Variants in RADX observed in about 807,000 individuals in gnomAD.
RADX encodes the protein RPA1 related single stranded DNA binding protein, X-linked, also known as RPA-related protein RADX.
A neutral mutation model predicts 61.6 loss-of-function variants in RADX; 36 were observed. The observed-to-expected ratio is 0.58, with a 90% CI of 0.45 to 0.77. RADX has a LOEUF of 0.77. Ranked by LOEUF, RADX falls within the 30% of genes least tolerant of loss-of-function variation. The probability of loss-of-function intolerance (pLI) is 0.00; values close to 1 mark genes in which losing one functional copy is unlikely to be tolerated. For synonymous variants in RADX, 272 were observed against 237.9 expected (o/e 1.14, Z -1.32); for missense variants, 497 against 651.1 (o/e 0.76, Z 2.58).
At chrX:106,675,086 C>T (rs1319175993) in intron 13 of RADX, among the ~76,000 whole-genome samples, 2 of 110,666 alleles carry the variant, frequency 1.8e-5, no homozygotes, top group African/African-American at 6.6e-5. Context: ...AGCCATTTAT[C>T]CCAAGTCATT....
intron 6 of RADX, among the ~76,000 whole-genome samples, chrX:106,634,180 A>G (rs1165582412): frequency 9.0e-6 from 1 of 111,341 alleles, no homozygotes; most frequent in Non-Finnish European, 1.9e-5. Flanking sequence ...TCTGTCGCCC[A>G]GGCTAGAGTG....
intron 6 of RADX, among the ~76,000 whole-genome samples, chrX:106,634,286 C>G (rs1242926350): frequency 9.0e-6 from 1 of 111,026 alleles, no homozygotes; most frequent in Non-Finnish European, 1.9e-5. Context: ...TAGGAGCACA[C>G]CACCATGCCT....
At chrX:106,676,908 G>A (rs1928525848) in intron 13 of RADX, among the ~76,000 whole-genome samples, 1 of 111,149 alleles carries the variant, frequency 9.0e-6, no homozygotes, top group South Asian at 3.8e-4. Context: ...TTGATTCCCC[G>A]TTGTACAAAG....
intron 12 of RADX, among the ~76,000 whole-genome samples, chrX:106,668,658 A>T: frequency 9.0e-6 from 1 of 111,616 alleles, no homozygotes; most frequent in Non-Finnish European, 1.9e-5. Flanking sequence ...TTCTAGCACA[A>T]CCTTTTATGG....
intron 11 of RADX, among the ~76,000 whole-genome samples, chrX:106,650,805 A>G (rs1398919272): frequency 1.8e-5 from 2 of 111,876 alleles, no homozygotes; most frequent in Admixed American, 1.9e-4. Context: ...TGAAAAAGGT[A>G]TCCACACACA....
At chrX:106,663,936 T>A (rs1461801129) in intron 12 of RADX, among the ~76,000 whole-genome samples, 1 of 111,835 alleles carries the variant, frequency 8.9e-6, no homozygotes, top group African/African-American at 3.2e-5. Context: ...ATGAGTCAGC[T>A]AAGAGCAGGA....
intron 12 of RADX, among the ~76,000 whole-genome samples, chrX:106,667,461 C>T (rs1928257536): frequency 9.1e-6 from 1 of 110,336 alleles, no homozygotes; most frequent in Admixed American, 9.7e-5. Context: ...GGACCACAGG[C>T]GCACACCACC....
chrX:106,639,517 T>G lies in RADX; in HGVS notation c.1574-10T>G. 8.6e-7 allele frequency: 1 copy of G among 1,161,701 alleles called. No individual in the cohort carries two copies. The highest frequency in any genetic ancestry group is 1.1e-6 in the Non-Finnish European group (1 of 870,772). On this transcript the variant is annotated splice_polypyrimidine_tract_variant and intron_variant, in intron 8 of 13. Coordinates refer to ENST00000372548, the MANE Select transcript of RADX (RefSeq NM_018015.6). The stretch of plus-strand genomic sequence containing the variant: ...TTTAAAACTTACAATTTTCTTGGAC[T>G]TTTTTGCAGTTGAGTCGCTCTTGAC...
intron 10 of RADX, among the ~76,000 whole-genome samples, chrX:106,643,103 G>C (rs1927563008): frequency 9.0e-6 from 1 of 111,058 alleles, no homozygotes; most frequent in Non-Finnish European, 1.9e-5. Context: ...ACCTTTTCAT[G>C]TGCCTGTTTG....
chrX:106,666,733 A>C (rs1217677622), intron 12 of RADX, among the ~76,000 whole-genome samples: 1 of 112,397 alleles, frequency 8.9e-6, no homozygotes, highest in African/African-American at 3.2e-5. Context: ...AAGGAAAAGA[A>C]CAAACCATAT....
At chrX:106,638,492 G>C (rs1254417342) in intron 8 of RADX, 1 of 110,860 alleles carries the variant, frequency 9.0e-6, no homozygotes, top group East Asian at 2.9e-4. Flanking sequence ...TCGATCTCCT[G>C]ACCTCGTGAT....
intron 3 of RADX, among the ~76,000 whole-genome samples, chrX:106,631,807 A>AG (rs1927235332): frequency 2.8e-5 from 3 of 108,676 alleles, no homozygotes; most frequent in African/African-American, 1.0e-4. Context: ...AGAAAGAAGA[A>AG]AGAAAGAGAA....
At chrX:106,663,683 C>A (rs1213667340) in intron 12 of RADX, among the ~76,000 whole-genome samples, 1 of 111,518 alleles carries the variant, frequency 9.0e-6, no homozygotes, top group Non-Finnish European at 1.9e-5. Context: ...CCCATTTACC[C>A]TGATGTGATT....
chrX:106,669,621 A>G (rs1928318216), intron 13 of RADX, among the ~76,000 whole-genome samples: 1 of 111,869 alleles, frequency 8.9e-6, no homozygotes, highest in Admixed American at 9.5e-5. Flanking sequence ...GGAACAGTAC[A>G]AATTCTACTC....
intron 10 of RADX, among the ~76,000 whole-genome samples, chrX:106,642,793 G>T (rs1927552395): frequency 9.0e-6 from 1 of 111,421 alleles, no homozygotes; most frequent in South Asian, 3.8e-4. Flanking sequence ...GGATCACATT[G>T]TATTTCAATT....
chrX:106,663,797 T>C (rs1386847110), intron 12 of RADX, among the ~76,000 whole-genome samples: 1 of 111,690 alleles, frequency 9.0e-6, no homozygotes, highest in Non-Finnish European at 1.9e-5. Context: ...ATGGAAATGA[T>C]GAGTTCATCT....
At position 106,612,415 on chromosome X, in the gene RADX, C is replaced by A. The variant is rs1350296819; in HGVS notation, c.335C>A (p.Pro112His). 2.5e-6 allele frequency: 3 copies of A among 1,211,172 alleles called. No homozygotes were observed. Among genetic ancestry groups the A allele is most frequent in the Non-Finnish European group, 3.4e-6 (3 of 895,188 alleles). ...TACCAGGAGAAGTGCTACCTGGACC[C>A]CAGCTTGAACTCTCTCGTATATCAA... ...GVYQEKCYLD[P>H]SLNSLVYQNI... The change falls in exon 1 of 14, where the codon CCC (proline) becomes CAC (histidine). Residue 112 changes from proline (P) to histidine (H), a missense_variant. Pro to His is a moderately conservative substitution (Grantham distance 77). Coordinates refer to ENST00000372548, the MANE Select transcript of RADX (RefSeq NM_018015.6).
chrX:106,636,571 A>G lies in RADX; in HGVS notation c.1332A>G (p.Lys444=). Residue 444 remains lysine, a synonymous_variant, in exon 7 of 14, where the codon AAA becomes AAG. Coordinates refer to ENST00000372548, the MANE Select transcript of RADX (RefSeq NM_018015.6). ...CATATTTTGTGTGTACACAGTTGAAAGTTGTCAGAAATGACAATCAAGTAC... is the reference window on the plus strand; with the variant it reads ...CATATTTTGTGTGTACACAGTTGAAGGTTGTCAGAAATGACAATCAAGTAC... ...PMAYFVCTQL[K]VVRNDNQVPK... 8.3e-7 allele frequency: 1 copy of G among 1,201,318 alleles called. No individual in the cohort carries two copies. Among genetic ancestry groups the G allele is most frequent in the Non-Finnish European group, 1.1e-6 (1 of 886,750 alleles).
Position 106,640,602 on chromosome X carries a change from A to G in RADX, c.1785A>G (p.Glu595=). The G allele has an allele frequency of 8.3e-7, 1 of 1,201,654 alleles. No individual in the cohort carries two copies. Among genetic ancestry groups the G allele is most frequent in the Non-Finnish European group, 1.1e-6 (1 of 888,510 alleles). The change falls in exon 10 of 14, where the codon GAA becomes GAG. Residue 595 remains glutamate, a synonymous_variant. Coordinates refer to ENST00000372548, the MANE Select transcript of RADX (RefSeq NM_018015.6). ...TSQAARVEIQ[E]RNGKRHQDDE... is the part of the protein sequence containing the mutation. The stretch of plus-strand genomic sequence containing the variant: ...AAGCAGCTAGAGTAGAAATTCAAGA[A>G]AGAAATGGTAAACGGCATCAAGATG...
Sources: gnomAD v4.1 joint callset for allele counts (sites outside exome capture counted in the v4.1 genomes callset) on GRCh38, gnomAD v4.1.1 for gene constraint, MANE v1.5 for transcripts, NCBI Gene and HGNC (gene_info 2026-07-23, HGNC 2026-07-21) for gene names.